SLC10A7: variants seen among roughly 807,000 people sequenced by gnomAD.
The protein encoded by SLC10A7 is sodium/bile acid cotransporter 7.
A neutral mutation model predicts 43.2 loss-of-function variants in SLC10A7; 29 were observed. That is an observed-to-expected ratio of 0.67 (90% CI 0.50 to 0.92). SLC10A7 has a LOEUF of 0.92. Ranked by LOEUF, SLC10A7 falls within the 40% of genes least tolerant of loss-of-function variation. The pLI is 0.00. For synonymous variants in SLC10A7, 152 were observed against 144.8 expected, an observed-to-expected ratio of 1.05 and a Z score of -0.35; for missense variants, 295 against 403.2, an observed-to-expected ratio of 0.73 and a Z score of 2.30.
Position 146,460,812 on chromosome 4 carries a change from T to A in SLC10A7, c.397-17991A>T, listed in dbSNP as rs529812710. 2.6e-5 allele frequency among the ~76,000 whole-genome samples: 4 copies of A among 152,152 alleles called. No individual in the cohort carries two copies. In the South Asian group the frequency reaches 8.3e-4, roughly 32 times the overall value. On this transcript the variant is annotated intron_variant, in intron 4 of 11. Coordinates refer to ENST00000335472, the MANE Select transcript of SLC10A7 (RefSeq NM_001029998.6). ...GATGAATTTTACTGTCTATAAATTA[T>A]ATACACAAAAATCTCAGTTTTTAGA...
intron 7 of SLC10A7, among the ~76,000 whole-genome samples, chr4:146,295,150 A>AAGTTT (rs1250407658): frequency 6.6e-6 from 1 of 152,188 alleles, no homozygotes; most frequent in African/African-American, 2.4e-5. Context: ...AGAATAAAAT[A>AAGTTT]AACTACTCTC....
chr4:146,476,546 T>C (rs1402445362), intron 4 of SLC10A7, among the ~76,000 whole-genome samples: 1 of 152,020 alleles, frequency 6.6e-6, no homozygotes, highest in African/African-American at 2.4e-5. Context: ...GGGAGGCACA[T>C]GTGGAGTTAC....
intron 4 of SLC10A7, among the ~76,000 whole-genome samples, chr4:146,479,630 C>T (rs1386998993): frequency 6.6e-6 from 1 of 151,876 alleles, no homozygotes; most frequent in Non-Finnish European, 1.5e-5. Flanking sequence ...AGTATGGAGA[C>T]CAGTTGTTTA....
At chr4:146,310,148 A>G (rs1316650427) in intron 6 of SLC10A7, among the ~76,000 whole-genome samples, 2 of 152,018 alleles carry the variant, frequency 1.3e-5, no homozygotes, top group Admixed American at 6.5e-5. Context: ...AAAGGACATG[A>G]TTTTGTTCTT....
chr4:146,504,354 C>A (rs1736700539), intron 3 of SLC10A7, among the ~76,000 whole-genome samples: 1 of 151,918 alleles, frequency 6.6e-6, no homozygotes, highest in South Asian at 2.1e-4. Context: ...CCCATCTCTA[C>A]TAAAAGTACA....
chr4:146,265,981 G>A (rs941512301), intron 10 of SLC10A7, among the ~76,000 whole-genome samples: 2 of 152,228 alleles, frequency 1.3e-5, no homozygotes, highest in African/African-American at 2.4e-5. Context: ...GCATGAGATA[G>A]TATACTCCAA....
chr4:146,429,727 C>T (rs1008110854), intron 5 of SLC10A7, among the ~76,000 whole-genome samples: 7 of 151,872 alleles, frequency 4.6e-5, no homozygotes, highest in Non-Finnish European at 1.0e-4. Context: ...GCTAAATAAC[C>T]ATAAAAGGAA....
At chr4:146,358,884 A>C (rs1482262465) in intron 5 of SLC10A7, among the ~76,000 whole-genome samples, 2 of 152,154 alleles carry the variant, frequency 1.3e-5, no homozygotes, top group Non-Finnish European at 2.9e-5. Flanking sequence ...GTTGGATACA[A>C]CACCTGAGAG....
intron 5 of SLC10A7, among the ~76,000 whole-genome samples, chr4:146,373,239 G>A (rs1447729718): frequency 1.3e-5 from 2 of 152,138 alleles, no homozygotes; most frequent in Non-Finnish European, 2.9e-5. Flanking sequence ...TTGAGAGGCT[G>A]AGGTGAGAGG....
intron 9 of SLC10A7, among the ~76,000 whole-genome samples, chr4:146,290,196 A>C (rs996962661): frequency 2.0e-5 from 3 of 150,828 alleles, no homozygotes; most frequent in Non-Finnish European, 4.4e-5. Flanking sequence ...TGGTGGCGGG[A>C]GCCTGTAGTC....
At chr4:146,409,290 T>C (rs979226586) in intron 5 of SLC10A7, among the ~76,000 whole-genome samples, 3 of 151,280 alleles carry the variant, frequency 2.0e-5, no homozygotes, top group Admixed American at 2.0e-4. Flanking sequence ...GCAATAACAC[T>C]TTTGCTTCCA....
chr4:146,464,520 T>C (rs546203372), intron 4 of SLC10A7, among the ~76,000 whole-genome samples: 1 of 152,246 alleles, frequency 6.6e-6, no homozygotes, highest in African/African-American at 2.4e-5. Context: ...TTGCAGAACA[T>C]TGTATGTGAC....
chr4:146,436,077 A>G (rs1171192519), intron 5 of SLC10A7, among the ~76,000 whole-genome samples: 1 of 152,248 alleles, frequency 6.6e-6, no homozygotes, highest in East Asian at 1.9e-4. Flanking sequence ...AAAATAAAAA[A>G]AAAAGTTGCT....
At position 146,521,712 on chromosome 4, in the gene SLC10A7, C is replaced by A; in HGVS notation, c.6G>T (p.Arg2Ser). Residue 2 changes from arginine (R) to serine (S), a missense_variant, in exon 1 of 12, where the codon AGG (arginine) becomes AGT (serine). Around this residue, in one of 2 missense-constraint regions of SLC10A7, gnomAD observed 53 missense variants for 40.7 expected, o/e 1.30. Transcript: ENST00000335472. The stretch of plus-strand genomic sequence containing the variant: ...AGTCTTTCCTCATTCTCTCCAGCAG[C>A]CTCATATTTGTTAGGGTGGGTGGGT... M[R>S]LLERMRKDWF... The A allele has an allele frequency of 1.2e-6, 2 of 1,613,908 alleles. No homozygotes were observed. The highest frequency in any genetic ancestry group is 1.7e-6 in the Non-Finnish European group (2 of 1,179,850).
At chr4:146,379,982 T>C (rs551232608) in intron 5 of SLC10A7, among the ~76,000 whole-genome samples, 43 of 151,682 alleles carry the variant, frequency 2.8e-4, no homozygotes, top group South Asian at 1.3e-3. Flanking sequence ...TGTGTGTGTG[T>C]GCGTGTGTGT....
chr4:146,496,038 T>C (rs1233641554), intron 4 of SLC10A7, among the ~76,000 whole-genome samples: 5 of 152,206 alleles, frequency 3.3e-5, no homozygotes, highest in Non-Finnish European at 5.9e-5. Flanking sequence ...AAACACAGTC[T>C]AGATCTCTAA....
chr4:146,350,183 C>T (rs1438235975), intron 5 of SLC10A7, among the ~76,000 whole-genome samples: 4 of 142,294 alleles, frequency 2.8e-5, no homozygotes, highest in African/African-American at 5.4e-5. Context: ...GCGCACCGTG[C>T]GCTAGCCGAA....
At chr4:146,418,823 C>T (rs960181326) in intron 5 of SLC10A7, among the ~76,000 whole-genome samples, 1 of 152,232 alleles carries the variant, frequency 6.6e-6, no homozygotes, top group Admixed American at 6.5e-5. Flanking sequence ...CTATCCCCCA[C>T]TTCAGATGAC....
At chr4:146,375,982 T>A (rs1434640487) in intron 5 of SLC10A7, among the ~76,000 whole-genome samples, 1 of 152,148 alleles carries the variant, frequency 6.6e-6, no homozygotes, top group East Asian at 1.9e-4. Context: ...TTCTCAGGTT[T>A]GATTAATTTG....
Sources: gnomAD v4.1 joint callset for allele counts (sites outside exome capture counted in the v4.1 genomes callset) on GRCh38, gnomAD v4.1.1 for gene constraint, gnomAD v4.1.1 regional missense constraint, MANE v1.5 for transcripts, NCBI Gene and HGNC (gene_info 2026-07-23, HGNC 2026-07-21) for gene names.